Variants in PCDHGB2 observed in about 807,000 individuals in gnomAD.
PCDHGB2 encodes protocadherin gamma-B2.
A neutral mutation model predicts 59.3 loss-of-function variants in PCDHGB2; 55 were observed. The ratio of observed to expected loss-of-function variants is 0.93; its 90% CI spans 0.75 to 1.16. The LOEUF (loss-of-function observed/expected upper bound fraction) is 1.16. PCDHGB2 is among the 50% of genes most tolerant of loss of function. PCDHGB2 has a pLI of 0.00. For missense variants in PCDHGB2, 1,228 were observed against 1,198.5 expected, an observed-to-expected ratio of 1.02 and a Z score of -0.36; for synonymous variants, 516 against 512.0, an observed-to-expected ratio of 1.01 and a Z score of -0.11.
intron 1 of PCDHGB2, chr5:141,375,952 G>T (rs1032808913): frequency 1.2e-6 from 2 of 1,613,514 alleles, no homozygotes; most frequent in Non-Finnish European, 1.7e-6. Flanking sequence ...GCCTGCACAC[G>T]GGCGAGGTGC....
At chr5:141,404,684 G>GT in intron 1 of PCDHGB2, 1 of 1,614,104 alleles carries the variant, frequency 6.2e-7, no homozygotes, top group Non-Finnish European at 8.5e-7. Flanking sequence ...TGTGGAGCTG[G>GT]CACCCCGCTC....
rs376515666 is a variant in PCDHGB2, at chr5:141,394,832, C to T, written c.2421+32276C>T. On this transcript the variant is annotated intron_variant, in intron 1 of 3. Coordinates refer to ENST00000522605, the MANE Select transcript of PCDHGB2 (RefSeq NM_018923.3). The stretch of plus-strand genomic sequence containing the variant: ...CTGACAGCATCCCCGAAGTCCTGAC[C>T]GAGTTGGGCAGTCTGAAGCCTTCGG... The T allele has an allele frequency of 1.5e-5, 24 of 1,613,710 alleles. No individual in the cohort carries two copies. In the East Asian group the frequency reaches 3.3e-4, roughly 22 times the overall value.
intron 1 of PCDHGB2, chr5:141,417,252 G>C (rs2096099745): frequency 6.6e-6 from 1 of 152,148 alleles, no homozygotes; most frequent in Admixed American, 6.5e-5. Context: ...AGTACTTCCA[G>C]CTTCATAGAT....
intron 1 of PCDHGB2, chr5:141,393,269 T>C (rs1481759237): frequency 1.2e-6 from 2 of 1,613,832 alleles, no homozygotes; most frequent in Non-Finnish European, 1.7e-6. Flanking sequence ...GAGCACGTTA[T>C]CCACTCCCAG....
chr5:141,400,793 C>T, intron 1 of PCDHGB2: 2 of 561,880 alleles, frequency 3.6e-6, no homozygotes, highest in Admixed American at 3.5e-5. Context: ...TGTCCTCTTT[C>T]TCAAAGCTAA....
intron 1 of PCDHGB2, among the ~76,000 whole-genome samples, chr5:141,472,969 A>G: frequency 6.8e-6 from 1 of 147,990 alleles, no homozygotes; most frequent in Non-Finnish European, 1.5e-5. Flanking sequence ...CTGGGGAACA[A>G]GAGTGAAACT....
At chr5:141,413,858 G>A (rs751172785) in intron 1 of PCDHGB2, 28 of 1,613,140 alleles carry the variant, frequency 1.7e-5, no homozygotes, top group African/African-American at 4.0e-5. Context: ...CTCCGATCTG[G>A]CACTGTCCTT....
chr5:141,432,463 C>A lies in PCDHGB2; in HGVS notation c.2422-62344C>A, dbSNP rs781407406. On this transcript the variant is annotated intron_variant, in intron 1 of 3. Transcript: ENST00000522605. The surrounding 1 kb of genome is among the most constrained non-coding windows in gnomAD (Gnocchi z 6.0). Reference sequence around the variant, plus strand: ...CCGAGATCCTGTACCCCGCCCTCCCCACGGACGGTTCCACTGGCGTGGAGC... The same window carrying A: ...CCGAGATCCTGTACCCCGCCCTCCCAACGGACGGTTCCACTGGCGTGGAGC... The A allele has an allele frequency of 5.6e-6, 9 of 1,614,120 alleles. No homozygotes were observed. In the Admixed American group the frequency reaches 1.3e-4, roughly 24 times the overall value.
At chr5:141,413,181 C>T in intron 1 of PCDHGB2, 8 of 1,602,880 alleles carry the variant, frequency 5.0e-6, no homozygotes, top group Non-Finnish European at 6.8e-6. Context: ...CTACAATGGC[C>T]GCTCAAAGGA....
At chr5:141,421,483 A>C in intron 1 of PCDHGB2, 4 of 1,614,128 alleles carry the variant, frequency 2.5e-6, no homozygotes, top group Non-Finnish European at 3.4e-6. Context: ...CGGCAGCTTG[A>C]TCACGGCAGG....
chr5:141,372,224 G>C (rs766861746), intron 1 of PCDHGB2: 25 of 1,613,414 alleles, frequency 1.5e-5, no homozygotes, highest in Non-Finnish European at 2.0e-5. Flanking sequence ...ACATTGTGCA[G>C]GCCAGCGAGC....
At chr5:141,387,000 C>T (rs1211654185) in intron 1 of PCDHGB2, among the ~76,000 whole-genome samples, 7 of 152,118 alleles carry the variant, frequency 4.6e-5, no homozygotes, top group African/African-American at 1.7e-4. Flanking sequence ...TATTATCCCC[C>T]TGATAACTTT....
At chr5:141,397,254 A>G (rs961705126) in intron 1 of PCDHGB2, among the ~76,000 whole-genome samples, 12 of 152,184 alleles carry the variant, frequency 7.9e-5, no homozygotes, top group Non-Finnish European at 1.3e-4. Flanking sequence ...AGGGTATATC[A>G]TTTCTTAGCT....
chr5:141,446,928 C>T (rs988582410), intron 1 of PCDHGB2, among the ~76,000 whole-genome samples: 14 of 152,132 alleles, frequency 9.2e-5, no homozygotes, highest in Non-Finnish European at 1.6e-4. Context: ...TTCCTGATCT[C>T]TTTTTCACTG....
intron 1 of PCDHGB2, among the ~76,000 whole-genome samples, chr5:141,456,876 T>C (rs188356008): frequency 1.5e-3 from 222 of 152,196 alleles, no homozygotes; most frequent in African/African-American, 5.2e-3. Flanking sequence ...GGCAGGAGAA[T>C]CGCTTGAACC....
intron 1 of PCDHGB2, chr5:141,418,604 G>C: frequency 6.2e-7 from 1 of 1,614,040 alleles, no homozygotes; most frequent in African/African-American, 1.3e-5. Context: ...CGTGTACAGG[G>C]TTAGCCTTCG....
intron 1 of PCDHGB2, chr5:141,375,553 A>C: frequency 6.2e-7 from 1 of 1,613,838 alleles, no homozygotes; most frequent in Non-Finnish European, 8.5e-7. Flanking sequence ...TCTCCTACTC[A>C]CTGGCAGAAG....
chr5:141,417,905 G>A (rs1462731893), intron 1 of PCDHGB2: 1 of 1,593,646 alleles, frequency 6.3e-7, no homozygotes, highest in Admixed American at 1.8e-5. Flanking sequence ...CCCGCGGCAG[G>A]TACTATTTCC....
intron 1 of PCDHGB2, chr5:141,404,452 T>G (rs1197188094): frequency 2.5e-6 from 4 of 1,613,228 alleles, no homozygotes; most frequent in Non-Finnish European, 3.4e-6. Context: ...AAGGGTCTCC[T>G]CTCTCCACCT....
Sources: gnomAD v4.1 joint callset for allele counts (sites outside exome capture counted in the v4.1 genomes callset) on GRCh38, gnomAD v4.1.1 for gene constraint, Gnocchi (gnomAD v3.1) non-coding constraint, MANE v1.5 for transcripts, NCBI Gene and HGNC (gene_info 2026-07-23, HGNC 2026-07-21) for gene names.